CNTNAP5: variants seen among roughly 807,000 people sequenced by gnomAD.
The protein encoded by CNTNAP5 is contactin-associated protein-like 5.
CNTNAP5 carries 72 observed loss-of-function variants against 150.2 expected under a neutral mutation model. The observed-to-expected ratio is 0.48, with a 90% CI of 0.40 to 0.58. CNTNAP5 has a LOEUF of 0.58. Ranked by LOEUF, CNTNAP5 falls within the 20% of genes least tolerant of loss-of-function variation. CNTNAP5 has a pLI of 0.00. For missense variants in CNTNAP5, 1,636 were observed against 1,626.2 expected, an observed-to-expected ratio of 1.01 and a Z score of -0.10; for synonymous variants, 672 against 619.8, an observed-to-expected ratio of 1.08 and a Z score of -1.25.
chr2:124,504,703 A>ATTTTTT (rs34518488), intron 8 of CNTNAP5, 147 bp downstream of exon 8: 5 of 370,670 alleles, frequency 1.3e-5, no homozygotes, highest in South Asian at 3.5e-5. Flanking sequence ...AAGAGGCAGC[A>ATTTTTT]TTTTTTTTTT....
chr2:124,104,269 C>T (rs1683125472), intron 1 of CNTNAP5, among the ~76,000 whole-genome samples: 1 of 152,048 alleles, frequency 6.6e-6, no homozygotes, highest in Admixed American at 6.6e-5. Context: ...CTCCATACCT[C>T]ACCAACTTTC....
chr2:124,676,931 T>C (rs947938410), intron 13 of CNTNAP5, among the ~76,000 whole-genome samples: 4 of 152,174 alleles, frequency 2.6e-5, no homozygotes, highest in Non-Finnish European at 5.9e-5. Context: ...AGGCCCTTCC[T>C]CCACCATCTG....
At chr2:124,655,436 A>G (rs1261108606) in intron 13 of CNTNAP5, among the ~76,000 whole-genome samples, 1 of 152,042 alleles carries the variant, frequency 6.6e-6, no homozygotes, top group Non-Finnish European at 1.5e-5. Flanking sequence ...GTTACTGTAA[A>G]TAGTGCTGCA....
In CNTNAP5 at chr2:124,918,218, T is replaced by C. The variant is rs182910318; in HGVS notation, c.*3930T>C. On this transcript the variant is annotated 3_prime_UTR_variant, in exon 24 of 24. Transcript: ENST00000682447. ...CCTTTTCTCAGTTCTTCCACAGCCA[T>C]GTGTTTATGACCTATTGCATGCCGT... Among the ~76,000 whole-genome samples the C allele has an allele frequency of 1.3e-5, 2 of 152,138 alleles. No individual in the cohort carries two copies. Among genetic ancestry groups the C allele is most frequent in the Non-Finnish European group, 2.9e-5 (2 of 67,978 alleles).
At chr2:124,358,164 A>G (rs927893659) in intron 3 of CNTNAP5, among the ~76,000 whole-genome samples, 4 of 151,998 alleles carry the variant, frequency 2.6e-5, no homozygotes, top group African/African-American at 4.8e-5. Flanking sequence ...GTATCGTGAG[A>G]CTCTGCTGAA....
chr2:124,493,687 C>G (rs919179854), intron 7 of CNTNAP5, among the ~76,000 whole-genome samples: 13 of 152,022 alleles, frequency 8.6e-5, no homozygotes, highest in Non-Finnish European at 1.8e-4. Flanking sequence ...TAATTACACA[C>G]ATTCCTTCCT....
chr2:124,207,389 A>G (rs1685889382), intron 1 of CNTNAP5, among the ~76,000 whole-genome samples: 1 of 152,216 alleles, frequency 6.6e-6, no homozygotes, highest in South Asian at 2.1e-4. Flanking sequence ...TGTTCAGGAA[A>G]AGAACCCTCA....
intron 13 of CNTNAP5, among the ~76,000 whole-genome samples, chr2:124,746,978 A>G (rs568961488): frequency 6.6e-6 from 1 of 152,188 alleles, no homozygotes; most frequent in South Asian, 2.1e-4. Context: ...ACAAATTTAA[A>G]TATATAGAAA....
chr2:124,169,313 C>T (rs576386214), intron 1 of CNTNAP5, among the ~76,000 whole-genome samples: 14 of 152,054 alleles, frequency 9.2e-5, no homozygotes, highest in Admixed American at 4.6e-4. Context: ...TGATGCTCTG[C>T]GCAGCTATCC....
intron 1 of CNTNAP5, among the ~76,000 whole-genome samples, chr2:124,158,585 C>A (rs1684603623): frequency 6.6e-6 from 1 of 152,244 alleles, no homozygotes; most frequent in African/African-American, 2.4e-5. Flanking sequence ...GATATAGAAC[C>A]CATGAATGTG....
At position 124,746,086 on chromosome 2, in the gene CNTNAP5, G is replaced by A. The variant is rs1680597227; in HGVS notation, c.2078-1143G>A. 3.3e-5 allele frequency among the ~76,000 whole-genome samples: 5 copies of A among 152,130 alleles called. No individual in the cohort carries two copies. The South Asian group carries it at 1.0e-3, about 32-fold the overall frequency. On this transcript the variant is annotated intron_variant, in intron 13 of 23. Coordinates refer to ENST00000682447, the MANE Select transcript of CNTNAP5 (RefSeq NM_001367498.1). ...AATTGCTATTATTCACTGTAAAATTGCAAATGATATAAAGTGGCCCTTAAT... is the reference window on the plus strand; with the variant it reads ...AATTGCTATTATTCACTGTAAAATTACAAATGATATAAAGTGGCCCTTAAT...
intron 7 of CNTNAP5, among the ~76,000 whole-genome samples, chr2:124,481,050 A>T (rs1438716277): frequency 6.6e-6 from 1 of 152,182 alleles, no homozygotes; most frequent in Non-Finnish European, 1.5e-5. Context: ...GAATAAGGGA[A>T]ATTTATTTCT....
At chr2:124,181,157 T>G (rs1265910541) in intron 1 of CNTNAP5, among the ~76,000 whole-genome samples, 1 of 145,062 alleles carries the variant, frequency 6.9e-6, no homozygotes, top group East Asian at 1.9e-4. Context: ...CATCTAAATA[T>G]TAATTTTATA....
intron 2 of CNTNAP5, among the ~76,000 whole-genome samples, chr2:124,230,573 C>A (rs2104752105): frequency 6.6e-6 from 1 of 151,172 alleles, no homozygotes; most frequent in South Asian, 2.1e-4. Flanking sequence ...ACTCTGTCAC[C>A]CAGGCTGGGG....
intron 1 of CNTNAP5, among the ~76,000 whole-genome samples, chr2:124,042,784 A>G (rs941141845): frequency 1.1e-4 from 3 of 26,288 alleles, no homozygotes; most frequent in African/African-American, 4.5e-4. Flanking sequence ...ACTCTCTATC[A>G]TCTATCTATC....
At chr2:124,490,352 A>C (rs1693989470) in intron 7 of CNTNAP5, among the ~76,000 whole-genome samples, 1 of 145,352 alleles carries the variant, frequency 6.9e-6, no homozygotes, top group Admixed American at 7.0e-5. Context: ...AAAAAAGAAG[A>C]AAGAAAGAGA....
rs919036352 is a variant in CNTNAP5 at position 124,322,440 on chromosome 2, C to T, written c.381+80047C>T. On this transcript the variant is annotated intron_variant, in intron 3 of 23. Transcript: ENST00000682447. ...AGAGGGCTTATCATCTGTAGATACT[C>T]AAGTTAACCTAAGAAATTTTACTAC... 3.3e-5 allele frequency among the ~76,000 whole-genome samples: 5 copies of T among 152,086 alleles called. No individual in the cohort carries two copies. In the South Asian group the frequency reaches 8.3e-4, roughly 25 times the overall value.
chr2:124,817,037 C>A (rs1682379908), intron 19 of CNTNAP5, among the ~76,000 whole-genome samples: 1 of 151,972 alleles, frequency 6.6e-6, no homozygotes, highest in African/African-American at 2.4e-5. Flanking sequence ...ATAAGTAGTC[C>A]TTATTATTAT....
At chr2:124,841,995 T>G (rs571184862) in intron 19 of CNTNAP5, among the ~76,000 whole-genome samples, 118 of 152,282 alleles carry the variant, frequency 7.7e-4, no homozygotes, top group Non-Finnish European at 1.4e-3. Context: ...TGGCTGACAT[T>G]AGTTCCAAAT....
Sources: allele counts gnomAD v4.1 joint callset (sites outside exome capture counted in the v4.1 genomes callset), GRCh38; gene constraint gnomAD v4.1.1; transcripts MANE v1.5; gene names NCBI Gene and HGNC (gene_info 2026-07-23, HGNC 2026-07-21).